Variants in BYSL observed in about 807,000 individuals in gnomAD.
BYSL encodes the protein bystin like, also known as bystin.
Under a neutral mutation model 45.4 loss-of-function variants are expected in BYSL, and 21 were observed. The ratio of observed to expected loss-of-function variants is 0.46; its 90% CI spans 0.33 to 0.67. The LOEUF (loss-of-function observed/expected upper bound fraction) is 0.67, where lower values mean the gene tolerates loss of function less well. BYSL is among the 30% of genes least tolerant of loss of function. The pLI is 0.02. For missense variants in BYSL, 522 were observed against 578.5 expected, an observed-to-expected ratio of 0.90 and a Z score of 1.00; for synonymous variants, 215 against 231.3, an observed-to-expected ratio of 0.93 and a Z score of 0.64.
the BYSL span, among the ~76,000 whole-genome samples, chr6:41,914,641 C>T: frequency 2.0e-5 from 3 of 151,996 alleles, no homozygotes; most frequent in African/African-American, 7.2e-5. Flanking sequence ...ATTGCCTAAG[C>T]CCAGGAGTTA....
At chr6:41,909,599 C>T in the BYSL span, 12 of 1,565,992 alleles carry the variant, frequency 7.7e-6, no homozygotes, top group African/African-American at 2.7e-5. Context: ...TGACTCCCCC[C>T]GGAATGAGGC....
At chr6:41,920,714 T>C (rs913359342), upstream of BYSL, 19 of 324,712 alleles carry the variant, frequency 5.9e-5, no homozygotes, top group African/African-American at 3.9e-4. Context: ...AGTGTTGCAG[T>C]GAGCCAAGAT....
At chr6:41,914,487 A>G in the BYSL span, among the ~76,000 whole-genome samples, 1 of 152,204 alleles carries the variant, frequency 6.6e-6, no homozygotes, top group Non-Finnish European at 1.5e-5. Flanking sequence ...ACAGGTACAC[A>G]GTTAGAATGT....
upstream of BYSL, chr6:41,917,696 A>T (rs1185867991): frequency 2.2e-6 from 1 of 456,410 alleles, no homozygotes; most frequent in Non-Finnish European, 4.6e-6. Flanking sequence ...AGAATTCAAT[A>T]ATGCTGAGTC....
chr6:41,912,433 T>G, the BYSL span, among the ~76,000 whole-genome samples: 4 of 148,016 alleles, frequency 2.7e-5, no homozygotes. Context: ...CTGGGCTCAC[T>G]GCAGCCTCTG....
intron 2 of BYSL, among the ~76,000 whole-genome samples, chr6:41,928,931 G>A (rs183991454): frequency 9.2e-5 from 14 of 152,154 alleles, no homozygotes; most frequent in Non-Finnish European, 1.8e-4. Context: ...AAGAGGAGCA[G>A]TTTGTTTTTT....
At chr6:41,927,605 G>T in intron 2 of BYSL, 69 bp downstream of exon 2, 1 of 1,576,808 alleles carries the variant, frequency 6.3e-7, no homozygotes. Flanking sequence ...TTCCCTGGCA[G>T]ACTTATGATT....
Position 41,930,216 on chromosome 6 carries a change from C to T in BYSL, c.516C>T (p.Phe172=), listed in dbSNP as rs779206176. Residue 172 remains phenylalanine (F), a synonymous_variant, in exon 3 of 7, where the codon TTC becomes TTT. Coordinates refer to ENST00000230340, the MANE Select transcript of BYSL (RefSeq NM_004053.4). ...CAGTCATGTCAGAGGTGTCGGGCTT[C>T]CCTATGCCCCAGCTGGACCCCCGGG... ...VETVMSEVSG[F]PMPQLDPRVL... The T allele has an allele frequency of 5.6e-6, 9 of 1,614,062 alleles. No homozygotes were observed. In the African/African-American group the frequency reaches 8.0e-5, roughly 14 times the overall value.
the BYSL span, chr6:41,909,590 G>A: frequency 6.3e-7 from 1 of 1,576,510 alleles, no homozygotes; most frequent in African/African-American, 1.3e-5. Context: ...AGAGTCAAAT[G>A]ACTCCCCCCG....
At chr6:41,911,154 C>CTT in the BYSL span, among the ~76,000 whole-genome samples, 85 of 140,502 alleles carry the variant, frequency 6.0e-4, no homozygotes, top group South Asian at 0.016. Context: ...AGGCTAAAAA[C>CTT]TTTTTTTTTT....
chr6:41,924,743 C>T (rs1775540051), intron 1 of BYSL, among the ~76,000 whole-genome samples: 1 of 152,100 alleles, frequency 6.6e-6, no homozygotes, highest in African/African-American at 2.4e-5. Context: ...ATATGTGTTT[C>T]TGGAAGGTGA....
At chr6:41,916,901 T>G, upstream of BYSL, 1 of 1,614,004 alleles carries the variant, frequency 6.2e-7, no homozygotes, top group Non-Finnish European at 8.5e-7. Flanking sequence ...TACGGTTTGC[T>G]GAACACTCTT....
upstream of BYSL, chr6:41,917,680 G>A (rs374462042): frequency 2.0e-5 from 9 of 444,912 alleles, no homozygotes; most frequent in African/African-American, 8.1e-5. Context: ...GATGACACAC[G>A]GACTGAGAAT....
the BYSL span, among the ~76,000 whole-genome samples, chr6:41,912,541 G>T: frequency 6.6e-6 from 1 of 151,576 alleles, no homozygotes; most frequent in African/African-American, 2.4e-5. Context: ...ATTTTTAGTA[G>T]AGACAGGGTT....
chr6:41,920,821 G>C (rs1775443088), upstream of BYSL: 1 of 601,782 alleles, frequency 1.7e-6, no homozygotes, highest in East Asian at 3.3e-5. Context: ...CGCCTTCCAA[G>C]AGGAAGGGGC....
intron 4 of BYSL, 76 bp from the exon 5 acceptor site, chr6:41,931,320 A>G: frequency 1.3e-6 from 2 of 1,536,840 alleles, no homozygotes; most frequent in Non-Finnish European, 1.8e-6. Flanking sequence ...TGTATGCACT[A>G]TCCATGGTGA....
At position 41,932,620 on chromosome 6, in the gene BYSL, C is replaced by T; in HGVS notation, c.1228C>T (p.His410Tyr). 1 of 1,614,222 alleles carries T rather than the reference C, an allele frequency of 6.2e-7. No individual in the cohort carries two copies. Among genetic ancestry groups the T allele is most frequent in the Non-Finnish European group, 8.5e-7 (1 of 1,180,030 alleles). Residue 410 changes from histidine to tyrosine, a missense_variant, in exon 7 of 7, where the codon CAT (histidine) becomes TAT (tyrosine). Physicochemically the swap from His to Tyr is moderately conservative, Grantham distance 83. Coordinates refer to ENST00000230340, the MANE Select transcript of BYSL (RefSeq NM_004053.4). This position sits in a 1 kb window ranked among gnomAD's most constrained non-coding sequence, Gnocchi z 4.7. ...ALLELLRLQP[H>Y]PQLSPEIRRE... Reference sequence around the variant, plus strand: ...CTTAGAACTGCTCCGGCTGCAGCCCCATCCACAGCTATCGCCCGAAATCAG... The same window carrying T: ...CTTAGAACTGCTCCGGCTGCAGCCCTATCCACAGCTATCGCCCGAAATCAG...
chr6:41,921,513 C>T lies in BYSL; in HGVS notation c.-50C>T. The T allele has an allele frequency of 7.9e-6, 12 of 1,520,316 alleles. No individual in the cohort carries two copies. The highest frequency in any genetic ancestry group is 2.6e-5 in the South Asian group (2 of 76,620). The allele number at this position is 1,520,316 out of a possible 1,614,324, so 94.2% of individuals were successfully genotyped here. A position where few individuals can be genotyped will look rare whatever the true frequency, so the allele number is the denominator to read the frequency against. On this transcript the variant is annotated 5_prime_UTR_variant, in exon 1 of 7. Transcript: ENST00000230340. ...GTCCACCGCGCAAGCGCATCCTGGC[C>T]TTTCTTCAGTCCCCACGTGCGATCC...
At chr6:41,913,482 T>C in the BYSL span, among the ~76,000 whole-genome samples, 1 of 152,208 alleles carries the variant, frequency 6.6e-6, no homozygotes, top group Non-Finnish European at 1.5e-5. Flanking sequence ...ACCCAAATGC[T>C]TTTGTAATTA....
Sources: gnomAD v4.1 joint callset for allele counts (sites outside exome capture counted in the v4.1 genomes callset) on GRCh38, gnomAD v4.1.1 for gene constraint, Gnocchi (gnomAD v3.1) non-coding constraint, MANE v1.5 for transcripts, NCBI Gene and HGNC (gene_info 2026-07-23, HGNC 2026-07-21) for gene names.